Variants in ENKUR observed in about 807,000 individuals in gnomAD.
ENKUR encodes the protein enkurin.
Under a neutral mutation model 27.6 loss-of-function variants are expected in ENKUR, and 19 were observed. The ratio of observed to expected loss-of-function variants is 0.69; its 90% CI spans 0.48 to 1.01. The LOEUF (loss-of-function observed/expected upper bound fraction) is 1.01, where lower values mean the gene tolerates loss of function less well. Ranked by LOEUF, ENKUR falls within the 50% of genes least tolerant of loss-of-function variation. ENKUR has a pLI of 0.00. For missense variants in ENKUR, 312 were observed against 310.5 expected, an observed-to-expected ratio of 1.00 and a Z score of -0.04; for synonymous variants, 117 against 96.9, an observed-to-expected ratio of 1.21 and a Z score of -1.22.
intron 1 of ENKUR, among the ~76,000 whole-genome samples, chr10:25,001,660 T>C (rs111343991): frequency 0.026 from 3,991 of 152,280 alleles, 74 homozygotes; most frequent in South Asian, 0.058. Flanking sequence ...ATCCAATCTA[T>C]TACATGTAGC....
chr10:24,984,835 G>A lies in ENKUR; in HGVS notation c.665C>T (p.Pro222Leu). 1 of 1,613,236 alleles carries A rather than the reference G, an allele frequency of 6.2e-7. No individual in the cohort carries two copies. The highest frequency in any genetic ancestry group is 8.5e-7 in the Non-Finnish European group (1 of 1,179,616). ...QSLSVFIDSI[P>L]KKIRKQRLEE... ...CAGCCTCTGCTTGCGGATCTTCTTT[G>A]GTATAGAATCTATAAAGACCGAGAG... is the stretch of plus-strand genomic sequence containing the variant. Residue 222 changes from proline to leucine, a missense_variant, in exon 5 of 6, where the codon CCA becomes CTA. Transcript: ENST00000331161.
In ENKUR at chr10:25,054,521, TCTTTCTTTC is replaced by T. The variant is rs1381055062; in HGVS notation, c.37+6582_37+6590del. The stretch of plus-strand genomic sequence containing the variant: ...TCTTTCTTTCTTTCTTTCCTTTCTT[TCTTTCTTTC>T]CTTTCTTTCTTTCTTTCCTTTCTTT... On this transcript the variant is annotated intron_variant, in intron 2 of 5. Transcript: ENST00000615958. Among the ~76,000 whole-genome samples, 438 of 146,988 alleles carry T rather than the reference TCTTTCTTTC, an allele frequency of 3.0e-3. 1 individual carries two copies. The highest frequency in any genetic ancestry group is 0.011 in the African/African-American group (422 of 39,536).
chr10:25,027,573 T>C, intron 2 of ENKUR, among the ~76,000 whole-genome samples: 1 of 145,134 alleles, frequency 6.9e-6, no homozygotes. Flanking sequence ...TTTCTGAAAG[T>C]GAGAGGAACA....
At chr10:25,043,437 C>CT (rs1213794741) in intron 2 of ENKUR, among the ~76,000 whole-genome samples, 1 of 151,670 alleles carries the variant, frequency 6.6e-6, no homozygotes, top group Non-Finnish European at 1.5e-5. Context: ...TCATTTATAC[C>CT]TTTTCCCATC....
chr10:24,984,942 A>G, intron 4 of ENKUR, 37 bp from the exon 5 acceptor site: 2 of 1,544,796 alleles, frequency 1.3e-6, no homozygotes, highest in Non-Finnish European at 1.8e-6. Flanking sequence ...TACCAAAGCA[A>G]ACTGCAAAAG....
intron 2 of ENKUR, chr10:25,026,201 C>T (rs11014354): frequency 6.0e-6 from 1 of 166,582 alleles, no homozygotes; most frequent in Non-Finnish European, 1.5e-5. Context: ...TTTAACCCTC[C>T]TCAAATTCCA....
At chr10:25,002,586 A>C (rs1850213860) in intron 1 of ENKUR, among the ~76,000 whole-genome samples, 1 of 152,076 alleles carries the variant, frequency 6.6e-6, no homozygotes, top group South Asian at 2.1e-4. Context: ...GTTGTTTCAT[A>C]TATTTTTTTT....
At chr10:25,031,032 T>G (rs942919262) in intron 2 of ENKUR, among the ~76,000 whole-genome samples, 1 of 152,158 alleles carries the variant, frequency 6.6e-6, no homozygotes, top group Non-Finnish European at 1.5e-5. Flanking sequence ...GCAAGAGAAT[T>G]GCTTGAATCC....
chr10:24,984,132 T>G lies in ENKUR; in HGVS notation c.*238A>C, dbSNP rs1849727082. 1 of 420,170 alleles carries G rather than the reference T, an allele frequency of 2.4e-6. No individual in the cohort carries two copies. The highest frequency in any genetic ancestry group is 4.2e-6 in the Non-Finnish European group (1 of 238,702). The allele number at this position is 420,170 out of a possible 1,614,324, so 26.0% of individuals were successfully genotyped here. On this transcript the variant is annotated 3_prime_UTR_variant, in exon 6 of 6. Coordinates refer to ENST00000331161, the MANE Select transcript of ENKUR (RefSeq NM_145010.4). ...AAGTTGTCATCTTGATTTTGTAAGT[T>G]GTCTTCTTAATTTTTCTTCCTCCAA...
At chr10:25,046,616 A>T (rs1169974433) in intron 2 of ENKUR, among the ~76,000 whole-genome samples, 1 of 152,224 alleles carries the variant, frequency 6.6e-6, no homozygotes, top group East Asian at 1.9e-4. Flanking sequence ...AAGGATAAAA[A>T]TACCTGCTTT....
At chr10:25,054,513 C>CTTT (rs1554774507) in intron 2 of ENKUR, among the ~76,000 whole-genome samples, 2,252 of 70,914 alleles carry the variant, frequency 0.032, 35 homozygotes, top group Non-Finnish European at 0.042. Context: ...TTCTTTCTTT[C>CTTT]CTTTCTTTCT....
rs184052377 is a variant in ENKUR, at chr10:25,056,073, C to T, written c.37+5039G>A. Among the ~76,000 whole-genome samples the T allele has an allele frequency of 2.6e-5, 4 of 152,288 alleles. No homozygotes were observed. In the East Asian group the frequency reaches 7.7e-4, roughly 29 times the overall value. On this transcript the variant is annotated intron_variant, in intron 2 of 5. Coordinates refer to the ENKUR transcript ENST00000615958. ...ACTGTATTCCTGACTGTCTTTATCT[C>T]CTTCAAGATATTGTTATCTCCACTT...
At chr10:24,995,566 G>A (rs1850028877) in intron 3 of ENKUR, 80 bp downstream of exon 3, 1 of 1,247,576 alleles carries the variant, frequency 8.0e-7, no homozygotes, top group Non-Finnish European at 1.1e-6. Context: ...CACTAATAAT[G>A]ATAACATAGA....
At chr10:25,027,215 G>A (rs1249313681) in intron 2 of ENKUR, among the ~76,000 whole-genome samples, 1 of 151,664 alleles carries the variant, frequency 6.6e-6, no homozygotes, top group Non-Finnish European at 1.5e-5. Flanking sequence ...AAATAGCCGG[G>A]CGTGGTGGCA....
chr10:25,033,557 A>G (rs1850960865), intron 2 of ENKUR, among the ~76,000 whole-genome samples: 1 of 152,086 alleles, frequency 6.6e-6, no homozygotes. Flanking sequence ...TTCTTCCCAA[A>G]CTTCTTTATC....
chr10:25,032,365 G>C lies in ENKUR; in HGVS notation c.37+28747C>G, dbSNP rs186205222. Among the ~76,000 whole-genome samples, 1,458 of 152,038 alleles carry C rather than the reference G, an allele frequency of 9.6e-3. 27 individuals are homozygous for C. Among genetic ancestry groups the C allele is most frequent in the African/African-American group, 0.034 (1,401 of 41,382 alleles). The stretch of plus-strand genomic sequence containing the variant: ...TTCAACATGTAGATTTTTCAGTATG[G>C]AACCTCTCACTGTTTTGTGGTGTTG... On this transcript the variant is annotated intron_variant, in intron 2 of 5. Transcript: ENST00000615958.
chr10:25,035,325 C>T lies in ENKUR; in HGVS notation c.37+25787G>A, dbSNP rs747609071. Among the ~76,000 whole-genome samples, 5 of 152,214 alleles carry T rather than the reference C, an allele frequency of 3.3e-5. No individual in the cohort carries two copies. In the East Asian group the frequency reaches 7.7e-4, roughly 24 times the overall value. ...ATTCCAGTACGTGGGGAGACTGAGG[C>T]GAGTGGATCACCTGAGGTCAGGAGT... On this transcript the variant is annotated intron_variant, in intron 2 of 5. Coordinates refer to the ENKUR transcript ENST00000615958.
chr10:25,005,873 A>T (rs1850301437), intron 1 of ENKUR, among the ~76,000 whole-genome samples: 2 of 152,208 alleles, frequency 1.3e-5, no homozygotes, highest in Admixed American at 1.3e-4. Context: ...TAATATGTGG[A>T]ATATCAAAAG....
intron 2 of ENKUR, among the ~76,000 whole-genome samples, chr10:25,038,549 G>A (rs1851030961): frequency 6.6e-6 from 1 of 152,162 alleles, no homozygotes; most frequent in Non-Finnish European, 1.5e-5. Flanking sequence ...AAAATAACGT[G>A]TGTAAGGAGG....
Sources: gnomAD v4.1 joint callset for allele counts (sites outside exome capture counted in the v4.1 genomes callset) on GRCh38, gnomAD v4.1.1 for gene constraint, MANE v1.5 for transcripts, NCBI Gene and HGNC (gene_info 2026-07-23, HGNC 2026-07-21) for gene names.